The following SV2C variants were observed in gnomAD, a reference collection of about 807,000 sequenced individuals.
SV2C encodes the protein synaptic vesicle glycoprotein 2C.
SV2C carries 49 observed loss-of-function variants against 79.7 expected under a neutral mutation model. That is an observed-to-expected ratio of 0.61 (90% confidence interval 0.49 to 0.78). The LOEUF (loss-of-function observed/expected upper bound fraction) is 0.78, where lower values mean the gene tolerates loss of function less well. Ranked by LOEUF, SV2C falls within the 30% of genes least tolerant of loss-of-function variation. The pLI is 0.00. For missense variants in SV2C, 833 were observed against 912.9 expected (o/e 0.91, Z 1.13); for synonymous variants, 334 against 333.2 (o/e 1.00, Z -0.03).
At chr5:76,350,382 C>T (rs998960470) in intron 12 of SV2C, among the ~76,000 whole-genome samples, 1 of 152,200 alleles carries the variant, frequency 6.6e-6, no homozygotes, top group Non-Finnish European at 1.5e-5. Flanking sequence ...CAGTCATCTG[C>T]CTTCTCCAGA....
At chr5:76,055,042 CT>C in the SV2C span, among the ~76,000 whole-genome samples, 797 of 152,198 alleles carry the variant, frequency 5.2e-3, 10 homozygotes, top group African/African-American at 0.018. Flanking sequence ...ATTGCAATTG[CT>C]TTTGGTGTTT....
chr5:75,850,295 AC>A, the SV2C span, among the ~76,000 whole-genome samples: 1 of 152,192 alleles, frequency 6.6e-6, no homozygotes, highest in South Asian at 2.1e-4. Flanking sequence ...TAAAATGTAT[AC>A]ACACACCGTT....
intron 2 of SV2C, among the ~76,000 whole-genome samples, chr5:76,175,586 T>C (rs895409717): frequency 6.6e-6 from 1 of 152,202 alleles, no homozygotes; most frequent in African/African-American, 2.4e-5. Flanking sequence ...ACTTCCTGTT[T>C]GCAGCTCGAT....
Position 76,339,700 on chromosome 5 carries a change from T to C in SV2C, c.2001-13430T>C, listed in dbSNP as rs148580875. On this transcript the variant is annotated intron_variant, in intron 12 of 12. Transcript: ENST00000322285. The stretch of plus-strand genomic sequence containing the variant: ...CTGCACTCCAGCCTGGGCGACAGAG[T>C]GAGACTCTGTCTCAAAAAAAAAAAA... Among the ~76,000 whole-genome samples the C allele has an allele frequency of 5.4e-3, 788 of 146,132 alleles. 7 individuals are homozygous for C. The highest frequency in any genetic ancestry group is 0.019 in the African/African-American group (743 of 38,858).
At chr5:76,057,846 A>C in the SV2C span, among the ~76,000 whole-genome samples, 1 of 152,144 alleles carries the variant, frequency 6.6e-6, no homozygotes, top group Non-Finnish European at 1.5e-5. Flanking sequence ...TTTATGGCCA[A>C]CCTGAAAAAT....
intron 2 of SV2C, among the ~76,000 whole-genome samples, chr5:76,163,245 C>G (rs1477307962): frequency 6.6e-6 from 1 of 151,834 alleles, no homozygotes; most frequent in African/African-American, 2.4e-5. Flanking sequence ...CGAATTAGAC[C>G]TGTTCTGTGG....
intron 1 of SV2C, among the ~76,000 whole-genome samples, chr5:76,098,262 C>T (rs770549361): frequency 7.2e-5 from 11 of 152,220 alleles, no homozygotes; most frequent in Non-Finnish European, 1.3e-4. Flanking sequence ...AGCCTCCTGA[C>T]TTGCTTCCTG....
chr5:76,018,622 A>G, the SV2C span, among the ~76,000 whole-genome samples: 2 of 152,176 alleles, frequency 1.3e-5, no homozygotes, highest in African/African-American at 4.8e-5. Flanking sequence ...TCAGGCCAAT[A>G]GTTGATTTTT....
Position 76,321,706 on chromosome 5 carries a change from A to C in SV2C, c.2001-3658A>C, listed in dbSNP as rs2112561147. 1.3e-5 allele frequency among the ~76,000 whole-genome samples: 2 copies of C among 150,268 alleles called. 1 individual carries two copies. The highest frequency in any genetic ancestry group is 3.9e-4 in the East Asian group (2 of 5,116). On this transcript the variant is annotated intron_variant, in intron 12 of 12. Coordinates refer to ENST00000502798, the MANE Select transcript of SV2C (RefSeq NM_014979.4). Reference sequence around the variant, plus strand: ...CAGTGAGCCAAGATTCCACCACTGCACTCCAGCCTGGGTGACATGAGCGAG... The same window carrying C: ...CAGTGAGCCAAGATTCCACCACTGCCCTCCAGCCTGGGTGACATGAGCGAG...
the SV2C span, among the ~76,000 whole-genome samples, chr5:75,986,620 G>A: frequency 2.6e-5 from 4 of 151,984 alleles, no homozygotes; most frequent in Non-Finnish European, 4.4e-5. Flanking sequence ...ATATTCAATA[G>A]AGAAAGTTTT....
At chr5:76,177,552 ATAACT>A (rs1385334026) in intron 2 of SV2C, among the ~76,000 whole-genome samples, 1 of 152,206 alleles carries the variant, frequency 6.6e-6, no homozygotes, top group Non-Finnish European at 1.5e-5. Flanking sequence ...GTCTCTCAAA[ATAACT>A]TAATATTTTC....
At chr5:76,122,851 GAAGGC>G (rs1178696859) in intron 1 of SV2C, among the ~76,000 whole-genome samples, 2 of 152,034 alleles carry the variant, frequency 1.3e-5, no homozygotes, top group Non-Finnish European at 2.9e-5. Context: ...AAAGCTAGCA[GAAGGC>G]AAGAAATAAC....
intron 1 of SV2C, among the ~76,000 whole-genome samples, chr5:76,096,552 A>T (rs760294977): frequency 4.6e-5 from 7 of 152,196 alleles, no homozygotes; most frequent in Non-Finnish European, 1.0e-4. Context: ...CTGGGTTAAT[A>T]AATTACCCAG....
chr5:76,234,047 T>G (rs2112405882), intron 4 of SV2C, among the ~76,000 whole-genome samples: 1 of 152,294 alleles, frequency 6.6e-6, no homozygotes, highest in East Asian at 1.9e-4. Context: ...GAGACTTCTA[T>G]GTATATAATT....
chr5:76,202,349 C>T (rs540804557), intron 3 of SV2C, among the ~76,000 whole-genome samples: 1 of 152,244 alleles, frequency 6.6e-6, no homozygotes, highest in South Asian at 2.1e-4. Context: ...TATATCTTAA[C>T]TGTATGTCAT....
the SV2C span, among the ~76,000 whole-genome samples, chr5:76,030,245 G>A: frequency 7.6e-6 from 1 of 132,206 alleles, no homozygotes; most frequent in African/African-American, 2.9e-5. Context: ...CTACAAGACA[G>A]AATGCTTTGG....
the SV2C span, among the ~76,000 whole-genome samples, chr5:76,039,531 A>T: frequency 1.3e-5 from 2 of 152,138 alleles, no homozygotes; most frequent in African/African-American, 4.8e-5. Context: ...TGAGGTGGGC[A>T]GATCACCTGA....
intron 1 of SV2C, among the ~76,000 whole-genome samples, chr5:76,095,331 A>G (rs1747518729): frequency 6.6e-6 from 1 of 152,122 alleles, no homozygotes; most frequent in South Asian, 2.1e-4. Context: ...TTTCATTGAT[A>G]TGCCTCTTAT....
chr5:76,305,424 A>G (rs145702922), intron 12 of SV2C, among the ~76,000 whole-genome samples: 1 of 152,282 alleles, frequency 6.6e-6, no homozygotes, highest in East Asian at 1.9e-4. Flanking sequence ...CCATGCTTTG[A>G]GAAGCTGTTA....
Sources: gnomAD v4.1 joint callset for allele counts (sites outside exome capture counted in the v4.1 genomes callset) on GRCh38, gnomAD v4.1.1 for gene constraint, MANE v1.5 for transcripts, NCBI Gene and HGNC (gene_info 2026-07-23, HGNC 2026-07-21) for gene names.